Variants in COA1 observed in about 807,000 individuals in gnomAD.
COA1 encodes cytochrome c oxidase assembly factor 1.
Under a neutral mutation model 16.0 loss-of-function variants are expected in COA1, and 13 were observed. The observed-to-expected ratio is 0.81, with a 90% confidence interval of 0.53 to 1.29. The LOEUF (loss-of-function observed/expected upper bound fraction) is 1.29. Among genes scored for constraint, COA1 ranks in the 50% most tolerant of loss-of-function variants. The probability of loss-of-function intolerance (pLI) is 0.00; values close to 1 mark genes in which losing one functional copy is unlikely to be tolerated. For synonymous variants in COA1, 65 were observed against 65.7 expected, an observed-to-expected ratio of 0.99 and a Z score of 0.05; for missense variants, 179 against 177.0, an observed-to-expected ratio of 1.01 and a Z score of -0.06.
intron 3 of COA1, 38 bp downstream of exon 3, chr7:43,647,497 G>A: frequency 7.4e-7 from 1 of 1,349,406 alleles, no homozygotes; most frequent in Non-Finnish European, 1.1e-6. Flanking sequence ...AGCAGGCTAG[G>A]AGGAGGTCAG....
At chr7:43,691,314 A>G (rs1403606414) in intron 1 of COA1, among the ~76,000 whole-genome samples, 1 of 115,204 alleles carries the variant, frequency 8.7e-6, no homozygotes, top group African/African-American at 3.2e-5. Context: ...AGAAAGAAAG[A>G]AAGAAAGAAA....
intron 1 of COA1, among the ~76,000 whole-genome samples, chr7:43,705,048 T>C (rs1392202855): frequency 6.6e-6 from 1 of 152,222 alleles, no homozygotes; most frequent in Non-Finnish European, 1.5e-5. Flanking sequence ...ACTGGCTTCA[T>C]TGTGGATGCT....
chr7:43,725,682 AC>A (rs1216482346), intron 1 of COA1, among the ~76,000 whole-genome samples: 1 of 151,904 alleles, frequency 6.6e-6, no homozygotes, highest in Non-Finnish European at 1.5e-5. Context: ...GCATGGTGAA[AC>A]CCCGTCTCTA....
intron 1 of COA1, chr7:43,648,858 G>C (rs1035430726): frequency 1.9e-6 from 1 of 518,628 alleles, no homozygotes; most frequent in Non-Finnish European, 3.4e-6. Flanking sequence ...AAAGCCTGCG[G>C]GTTTCCTGTC....
At chr7:43,682,248 T>G (rs748587381) in intron 1 of COA1, among the ~76,000 whole-genome samples, 10 of 152,200 alleles carry the variant, frequency 6.6e-5, no homozygotes, top group Non-Finnish European at 1.0e-4. Flanking sequence ...ACTTTCTTAG[T>G]CTACTCCAAT....
chr7:43,635,389 G>T (rs2085699921), downstream of COA1, among the ~76,000 whole-genome samples: 1 of 152,282 alleles, frequency 6.6e-6, no homozygotes, highest in Admixed American at 6.5e-5. Context: ...CATCTTAGGG[G>T]CTTGTAAGGG....
chr7:43,640,473 T>G, intron 5 of COA1, 100 bp downstream of exon 5: 1 of 874,868 alleles, frequency 1.1e-6, no homozygotes, highest in South Asian at 1.5e-5. Context: ...ATTCTTCCTA[T>G]GCCCACAGTA....
rs2089734319 is a variant in COA1, at chr7:43,647,556, T to C, written c.94A>G (p.Ile32Val). The C allele has an allele frequency of 6.2e-7, 1 of 1,613,964 alleles. No individual in the cohort carries two copies. The highest frequency in any genetic ancestry group is 2.2e-5 in the East Asian group (1 of 44,886). Reference protein sequence around the residue: ...HGVFYAGGFAIVYYLIQKFHS... With the variant: ...HGVFYAGGFAVVYYLIQKFHS... ...TTACTTTGAATGAGGTAATACACAATGGCAAAGCCCCCGGCATAGAACACA... is the reference window on the plus strand; with the variant it reads ...TTACTTTGAATGAGGTAATACACAACGGCAAAGCCCCCGGCATAGAACACA... Residue 32 changes from isoleucine (I) to valine (V), a missense_variant, in exon 3 of 6, where the codon ATT (isoleucine) becomes GTT (valine). Coordinates refer to ENST00000223336, the MANE Select transcript of COA1 (RefSeq NM_018224.4).
intron 1 of COA1, among the ~76,000 whole-genome samples, chr7:43,694,574 C>A (rs1037908763): frequency 6.6e-6 from 1 of 152,158 alleles, no homozygotes; most frequent in African/African-American, 2.4e-5. Flanking sequence ...AGCATCTATA[C>A]TAGGTTTCCA....
chr7:43,616,372 C>G (rs2083343821), intron 6 of COA1, among the ~76,000 whole-genome samples: 1 of 152,054 alleles, frequency 6.6e-6, no homozygotes, highest in African/African-American at 2.4e-5. Context: ...AAATAGACAC[C>G]CTGTTAATTT....
chr7:43,693,850 T>C (rs2094448369), intron 1 of COA1, among the ~76,000 whole-genome samples: 4 of 152,064 alleles, frequency 2.6e-5, no homozygotes, highest in Admixed American at 2.6e-4. Flanking sequence ...CTCTACTGAC[T>C]GACCTTGCTA....
intron 6 of COA1, among the ~76,000 whole-genome samples, chr7:43,627,943 T>C (rs949382620): frequency 6.6e-6 from 1 of 152,162 alleles, no homozygotes; most frequent in Admixed American, 6.6e-5. Context: ...GATTCATCTA[T>C]GTCGATGCTT....
intron 1 of COA1, among the ~76,000 whole-genome samples, chr7:43,657,634 G>C (rs1053601071): frequency 1.3e-5 from 2 of 152,036 alleles, no homozygotes; most frequent in Non-Finnish European, 2.9e-5. Flanking sequence ...GCTGTAGTGT[G>C]AGGAGACAAA....
intron 1 of COA1, among the ~76,000 whole-genome samples, chr7:43,666,732 T>C (rs763683372): frequency 3.3e-5 from 5 of 152,138 alleles, no homozygotes; most frequent in African/African-American, 4.8e-5. Context: ...CTGGGACATA[T>C]AGAGCTGGAT....
downstream of COA1, among the ~76,000 whole-genome samples, chr7:43,635,205 G>A (rs750373768): frequency 1.9e-4 from 29 of 152,058 alleles, no homozygotes; most frequent in Non-Finnish European, 3.5e-4. Flanking sequence ...GCAATCAATG[G>A]TTTGTGTGTC....
chr7:43,685,901 TA>T (rs1463782567), intron 1 of COA1, among the ~76,000 whole-genome samples: 4 of 152,206 alleles, frequency 2.6e-5, no homozygotes. Flanking sequence ...AAAATCTGAT[TA>T]TTTGCTAAAA....
At chr7:43,639,711 A>G (rs770435088) in intron 5 of COA1, 30 bp from the exon 6 acceptor site, 4 of 1,557,330 alleles carry the variant, frequency 2.6e-6, no homozygotes, top group Non-Finnish European at 2.7e-6. Flanking sequence ...TAGTATCTCT[A>G]ATCTATGAAG....
chr7:43,683,049 G>A (rs1175861203), intron 1 of COA1, among the ~76,000 whole-genome samples: 3 of 152,058 alleles, frequency 2.0e-5, no homozygotes, highest in African/African-American at 7.2e-5. Flanking sequence ...GTAGAGATGG[G>A]GTTTCACCAT....
chr7:43,638,484 GGTTAA>G (rs1407205256), downstream of COA1, among the ~76,000 whole-genome samples: 4 of 151,662 alleles, frequency 2.6e-5, no homozygotes, highest in East Asian at 1.9e-4. Flanking sequence ...TCTAACATGC[GGTTAA>G]GTTGTTTGGA....
Sources: gnomAD v4.1 joint callset for allele counts (sites outside exome capture counted in the v4.1 genomes callset) on GRCh38, gnomAD v4.1.1 for gene constraint, MANE v1.5 for transcripts, NCBI Gene and HGNC (gene_info 2026-07-23, HGNC 2026-07-21) for gene names.